ANKS1B: variants seen among roughly 807,000 people sequenced by gnomAD.
ANKS1B encodes the protein ankyrin repeat and sterile alpha motif domain containing 1B, also known as ankyrin repeat and sterile alpha motif domain-containing protein 1B.
Under a neutral mutation model 148.3 loss-of-function variants are expected in ANKS1B, and 36 were observed. The observed-to-expected ratio is 0.24, with a 90% CI of 0.19 to 0.32. The LOEUF (loss-of-function observed/expected upper bound fraction) is 0.32, where lower values mean the gene tolerates loss of function less well. Ranked by LOEUF, ANKS1B falls within the 10% of genes least tolerant of loss-of-function variation. The pLI is 1.00. For synonymous variants in ANKS1B, 542 were observed against 560.8 expected (o/e 0.97, Z 0.47); for missense variants, 1,157 against 1,542.6 (o/e 0.75, Z 4.19).
chr12:98,850,590 T>C (rs996039359), intron 17 of ANKS1B, among the ~76,000 whole-genome samples: 3 of 151,076 alleles, frequency 2.0e-5, no homozygotes, highest in Non-Finnish European at 1.5e-5. Flanking sequence ...GCCTCAGCCT[T>C]CTGAGTAGCT....
At chr12:99,965,396 A>T (rs924364582) in intron 1 of ANKS1B, among the ~76,000 whole-genome samples, 2 of 152,236 alleles carry the variant, frequency 1.3e-5, no homozygotes, top group Non-Finnish European at 2.9e-5. Flanking sequence ...TGATATAAAT[A>T]AATGAATAAA....
At chr12:99,395,296 C>T (rs2094208479) in intron 12 of ANKS1B, among the ~76,000 whole-genome samples, 1 of 152,104 alleles carries the variant, frequency 6.6e-6, no homozygotes, top group Non-Finnish European at 1.5e-5. Context: ...ACTGAATAGG[C>T]TCTAAGAAAA....
chr12:99,945,143 C>A (rs1170680474), intron 1 of ANKS1B, among the ~76,000 whole-genome samples: 2 of 152,144 alleles, frequency 1.3e-5, no homozygotes, highest in East Asian at 3.9e-4. Context: ...GAAATGATTT[C>A]TGTTAGAGGT....
chr12:98,959,040 A>T (rs548655107), intron 17 of ANKS1B, among the ~76,000 whole-genome samples: 1 of 152,328 alleles, frequency 6.6e-6, no homozygotes, highest in African/African-American at 2.4e-5. Context: ...ATGGAAAGGG[A>T]TGGTACACAG....
chr12:99,090,398 T>C (rs1428990423), intron 15 of ANKS1B, among the ~76,000 whole-genome samples: 1 of 152,084 alleles, frequency 6.6e-6, no homozygotes, highest in Admixed American at 6.5e-5. Flanking sequence ...TAAACTTGAG[T>C]TGGATAATGT....
chr12:99,313,535 C>T (rs1017086712), intron 12 of ANKS1B, among the ~76,000 whole-genome samples: 6 of 152,230 alleles, frequency 3.9e-5, no homozygotes, highest in Admixed American at 1.3e-4. Flanking sequence ...ACTGGCAAAC[C>T]GAATCCAGCA....
At chr12:99,255,322 T>C (rs1425367874) in intron 12 of ANKS1B, among the ~76,000 whole-genome samples, 3 of 152,166 alleles carry the variant, frequency 2.0e-5, no homozygotes, top group African/African-American at 7.2e-5. Flanking sequence ...TTTTTGTATC[T>C]GTAGATTTAC....
intron 17 of ANKS1B, among the ~76,000 whole-genome samples, chr12:98,876,335 A>T (rs2099689881): frequency 6.6e-6 from 1 of 152,158 alleles, no homozygotes; most frequent in Non-Finnish European, 1.5e-5. Context: ...TGAATTCCTG[A>T]TCATCCTTGA....
chr12:98,897,636 A>G (rs1329045959), intron 17 of ANKS1B, among the ~76,000 whole-genome samples: 2 of 152,218 alleles, frequency 1.3e-5, no homozygotes, highest in South Asian at 2.1e-4. Flanking sequence ...AATTAGCACA[A>G]CCCCTGTGGA....
At chr12:99,951,646 A>G (rs1039174619) in intron 1 of ANKS1B, among the ~76,000 whole-genome samples, 6 of 152,104 alleles carry the variant, frequency 3.9e-5, no homozygotes, top group African/African-American at 1.2e-4. Flanking sequence ...AGGCTGAAGC[A>G]GGCAGATCAC....
chr12:99,949,904 GA>G (rs34035286), intron 1 of ANKS1B, among the ~76,000 whole-genome samples: 94,187 of 150,148 alleles, frequency 0.63, 30,797 homozygotes, highest in African/African-American at 0.75. Context: ...GTGCTTTACA[GA>G]AAAAAAAAAA....
chr12:99,124,113 T>C (rs1240210489), intron 15 of ANKS1B, among the ~76,000 whole-genome samples: 1 of 152,172 alleles, frequency 6.6e-6, no homozygotes, highest in African/African-American at 2.4e-5. Flanking sequence ...AGGGGTAATA[T>C]AATCTGACAT....
intron 19 of ANKS1B, among the ~76,000 whole-genome samples, chr12:98,808,594 G>A (rs915299739): frequency 7.9e-5 from 12 of 152,088 alleles, no homozygotes; most frequent in Non-Finnish European, 2.9e-5. Context: ...GCATTTGGGA[G>A]TCTAATGATT....
At chr12:98,957,511 T>C (rs11109683) in intron 17 of ANKS1B, among the ~76,000 whole-genome samples, 10,947 of 151,546 alleles carry the variant, frequency 0.072, 1,110 homozygotes, top group African/African-American at 0.22. Flanking sequence ...CCACATCCAG[T>C]TAATTTTTGT....
intron 12 of ANKS1B, among the ~76,000 whole-genome samples, chr12:99,262,103 C>G (rs909622065): frequency 3.9e-5 from 6 of 152,082 alleles, no homozygotes; most frequent in African/African-American, 1.4e-4. Flanking sequence ...ACACCTTCTT[C>G]AAATATCTAT....
At chr12:99,903,283 A>T (rs892368508) in intron 1 of ANKS1B, among the ~76,000 whole-genome samples, 7 of 152,302 alleles carry the variant, frequency 4.6e-5, no homozygotes, top group African/African-American at 1.7e-4. Context: ...AACAAGAATC[A>T]CACTCTCTTA....
chr12:98,902,217 A>C (rs1402485875), intron 17 of ANKS1B, among the ~76,000 whole-genome samples: 1 of 152,198 alleles, frequency 6.6e-6, no homozygotes, highest in East Asian at 1.9e-4. Flanking sequence ...CCCAAACCAC[A>C]TACAGCTCCA....
At chr12:99,019,026 AATC>A (rs1468371339) in intron 17 of ANKS1B, among the ~76,000 whole-genome samples, 1 of 152,224 alleles carries the variant, frequency 6.6e-6, no homozygotes, top group South Asian at 2.1e-4. Context: ...GACTGAATGT[AATC>A]ATAGTGAAGC....
At chr12:99,081,489 A>G (rs908291781) in intron 16 of ANKS1B, among the ~76,000 whole-genome samples, 2 of 152,204 alleles carry the variant, frequency 1.3e-5, no homozygotes, top group Non-Finnish European at 2.9e-5. Flanking sequence ...ATAAAATGAC[A>G]CTATTAACCA....
Sources: gnomAD v4.1 joint callset for allele counts (sites outside exome capture counted in the v4.1 genomes callset) on GRCh38, gnomAD v4.1.1 for gene constraint, MANE v1.5 for transcripts, NCBI Gene and HGNC (gene_info 2026-07-23, HGNC 2026-07-21) for gene names.